The following ACO1 variants were observed in gnomAD, a reference collection of about 807,000 sequenced individuals.
ACO1 encodes the protein aconitase 1.
Under a neutral mutation model 105.1 loss-of-function variants are expected in ACO1, and 78 were observed. That is an observed-to-expected ratio of 0.74 (90% CI 0.62 to 0.90). ACO1 has a LOEUF of 0.90. ACO1 is among the 40% of genes least tolerant of loss of function. The pLI is 0.00. For missense variants in ACO1, 965 were observed against 1,111.1 expected, an observed-to-expected ratio of 0.87 and a Z score of 1.87; for synonymous variants, 364 against 397.4, an observed-to-expected ratio of 0.92 and a Z score of 1.00.
chr9:32,410,559 C>CA (rs58605519), intron 4 of ACO1, among the ~76,000 whole-genome samples: 110 of 142,456 alleles, frequency 7.7e-4, no homozygotes, highest in Middle Eastern at 3.6e-3. Flanking sequence ...GACTCCGTCT[C>CA]AAAAAAAAAA....
intron 19 of ACO1, among the ~76,000 whole-genome samples, chr9:32,441,258 AG>A (rs1271371401): frequency 2.0e-5 from 3 of 152,172 alleles, no homozygotes; most frequent in Non-Finnish European, 2.9e-5. Flanking sequence ...GGGGCCATGC[AG>A]GGAGCAGAGA....
intron 2 of ACO1, 35 bp downstream of exon 2, chr9:32,405,638 A>C (rs2118400503): frequency 3.5e-3 from 4,848 of 1,373,778 alleles, no homozygotes; most frequent in Non-Finnish European, 4.6e-3. Context: ...TTGGAATCTC[A>C]TTTGCACAAT....
chr9:32,422,028 C>T (rs1821986697), intron 8 of ACO1, among the ~76,000 whole-genome samples: 1 of 152,186 alleles, frequency 6.6e-6, no homozygotes, highest in Non-Finnish European at 1.5e-5. Flanking sequence ...ATTAATACAT[C>T]TTTGTTCTCC....
chr9:32,387,013 T>G (rs996813513), intron 1 of ACO1, among the ~76,000 whole-genome samples: 1 of 152,106 alleles, frequency 6.6e-6, no homozygotes, highest in Non-Finnish European at 1.5e-5. Flanking sequence ...AAAGTGTGCT[T>G]CAAAGGCATG....
At chr9:32,403,016 A>G (rs1211791658) in intron 1 of ACO1, among the ~76,000 whole-genome samples, 1 of 152,184 alleles carries the variant, frequency 6.6e-6, no homozygotes, top group Non-Finnish European at 1.5e-5. Flanking sequence ...AAGTAAAGGC[A>G]ACTCCAGCAT....
At chr9:32,386,361 C>T (rs1016551775) in intron 1 of ACO1, 1 of 152,242 alleles carries the variant, frequency 6.6e-6, no homozygotes, top group African/African-American at 2.4e-5. Flanking sequence ...CTTTCACTTT[C>T]CACTTTCAGA....
intron 12 of ACO1, 30 bp from the exon 13 acceptor site, chr9:32,429,389 G>T (rs753865709): frequency 2.7e-5 from 42 of 1,582,650 alleles, no homozygotes; most frequent in South Asian, 2.0e-4. Context: ...TTCTTTTTTT[G>T]TGTGTGTGTG....
chr9:32,429,206 T>C (rs923977890), intron 12 of ACO1, among the ~76,000 whole-genome samples: 1 of 152,190 alleles, frequency 6.6e-6, no homozygotes, highest in African/African-American at 2.4e-5. Flanking sequence ...TCAATTTGAT[T>C]CCTTTTTATA....
At position 32,451,912 on chromosome 9, in the gene ACO1, A is replaced by AAATT. The variant is rs991579303; in HGVS notation, c.*1803_*1806dup. 4 of 152,216 alleles carry AAATT rather than the reference A, an allele frequency of 2.6e-5. No individual in the cohort carries two copies. The highest frequency in any genetic ancestry group is 4.8e-5 in the African/African-American group (2 of 41,448). The allele number at this position is 152,216 out of a possible 1,614,324, so 9.4% of individuals were successfully genotyped here. ...ACCCCGTCTCTACTAAAAATACAAA[A>AAATT]AATTAGCCAGGTGTGGTATTGTGTG... On this transcript the variant is annotated 3_prime_UTR_variant, in exon 21 of 21. Transcript: ENST00000309951.
Position 32,408,653 on chromosome 9 carries a change from TGA to T in ACO1, c.404+7_404+8del. Reference sequence around the variant, plus strand: ...CATCCAGGTTGATTTCAACAGAAGGTGAGAGATTAAAACGAATACCTGAGTGT... The same window carrying T: ...CATCCAGGTTGATTTCAACAGAAGGTGAGATTAAAACGAATACCTGAGTGT... On this transcript the variant is annotated splice_donor_region_variant and intron_variant, in intron 4 of 20. Transcript: ENST00000309951. 1 of 1,613,904 alleles carries T rather than the reference TGA, an allele frequency of 6.2e-7. No individual in the cohort carries two copies. The highest frequency in any genetic ancestry group is 8.5e-7 in the Non-Finnish European group (1 of 1,179,918).
chr9:32,438,587 A>G (rs1822411945), intron 18 of ACO1, among the ~76,000 whole-genome samples: 1 of 152,274 alleles, frequency 6.6e-6, no homozygotes, highest in African/African-American at 2.4e-5. Flanking sequence ...GGGTTTAATT[A>G]ATGGGTAAGG....
At chr9:32,415,224 A>G (rs1587530591) in intron 4 of ACO1, among the ~76,000 whole-genome samples, 2 of 152,320 alleles carry the variant, frequency 1.3e-5, no homozygotes, top group East Asian at 3.9e-4. Context: ...TAAGACAAGG[A>G]ATTTTTACTT....
In ACO1 at chr9:32,430,557, T is replaced by C. The variant is rs775480200; in HGVS notation, c.1709T>C (p.Phe570Ser). Residue 570 changes from phenylalanine to serine, a missense_variant, in exon 14 of 21, where the codon TTT becomes TCT. Transcript: ENST00000309951. ...ATTGCTGGAACCATCAGAATCGACT[T>C]TGAGAAAGAGCCATTGGGTAAGATT... ...YAIAGTIRID[F>S]EKEPLGVNAK... 2.2e-5 allele frequency: 36 copies of C among 1,605,276 alleles called. No individual in the cohort carries two copies. The highest frequency in any genetic ancestry group is 6.8e-6 in the Non-Finnish European group (8 of 1,176,532).
chr9:32,404,841 A>G (rs971026972), intron 1 of ACO1, among the ~76,000 whole-genome samples: 1 of 152,230 alleles, frequency 6.6e-6, no homozygotes, highest in African/African-American at 2.4e-5. Context: ...TGTCAGAATC[A>G]CCTAGAAGCT....
At position 32,420,960 on chromosome 9, in the gene ACO1, A is replaced by G; in HGVS notation, c.903A>G (p.Pro301=). ...GAGCTACGATTGCTAACATGTGTCC[A>G]GAGTACGGAGCAACTGCTGCCTTTT... ...ADRATIANMC[P]EYGATAAFFP... Residue 301 remains proline (P), a synonymous_variant, in exon 8 of 21, where the codon CCA becomes CCG. Coordinates refer to ENST00000309951, the MANE Select transcript of ACO1 (RefSeq NM_002197.3). 1 of 1,614,202 alleles carries G rather than the reference A, an allele frequency of 6.2e-7. No homozygotes were observed. The highest frequency in any genetic ancestry group is 8.5e-7 in the Non-Finnish European group (1 of 1,180,036).
rs879591052 is a variant in ACO1 at position 32,431,758 on chromosome 9, T to C, written c.1766T>C (p.Ile589Thr). 8.7e-6 allele frequency: 14 copies of C among 1,614,148 alleles called. No individual in the cohort carries two copies. Among genetic ancestry groups the C allele is most frequent in the Non-Finnish European group, 1.2e-5 (14 of 1,180,008 alleles). The change falls in exon 15 of 21, where the codon ATC (isoleucine) becomes ACC (threonine). Residue 589 changes from isoleucine to threonine, a missense_variant. Physicochemically the swap from Ile to Thr is moderately conservative, Grantham distance 89. Coordinates refer to ENST00000309951, the MANE Select transcript of ACO1 (RefSeq NM_002197.3). ...GGACAGCAGGTATTTCTGAAAGATA[T>C]CTGGCCGACTAGAGACGAGATCCAG... Reference protein sequence around the residue: ...AKGQQVFLKDIWPTRDEIQAV... With the variant: ...AKGQQVFLKDTWPTRDEIQAV...
At chr9:32,434,479 G>T (rs1822309890) in intron 16 of ACO1, 80 bp from the exon 17 acceptor site, 1 of 1,544,554 alleles carries the variant, frequency 6.5e-7, no homozygotes, top group African/African-American at 1.4e-5. Flanking sequence ...TCAGGTCCAT[G>T]GGCCACCATC....
intron 19 of ACO1, among the ~76,000 whole-genome samples, chr9:32,448,023 G>A (rs1386405759): frequency 5.9e-5 from 9 of 152,200 alleles, no homozygotes; most frequent in Admixed American, 3.9e-4. Flanking sequence ...CATGGGGGTC[G>A]GGGACCCACT....
chr9:32,412,680 C>T (rs1475578655), intron 4 of ACO1, among the ~76,000 whole-genome samples: 2 of 152,188 alleles, frequency 1.3e-5, no homozygotes, highest in Admixed American at 6.5e-5. Context: ...ATATGTCTTC[C>T]CCAACCTTCC....
Sources: allele counts gnomAD v4.1 joint callset (sites outside exome capture counted in the v4.1 genomes callset), GRCh38; gene constraint gnomAD v4.1.1; transcripts MANE v1.5; gene names NCBI Gene and HGNC (gene_info 2026-07-23, HGNC 2026-07-21).